Variants in STXBP3 observed in about 807,000 individuals in gnomAD.
STXBP3 encodes syntaxin binding protein 3.
In STXBP3, 41 loss-of-function variants were observed where a neutral mutation model predicts 85.7. That is an observed-to-expected ratio of 0.48 (90% CI 0.37 to 0.62). The LOEUF is 0.62. STXBP3 is among the 20% of genes least tolerant of loss of function. STXBP3 has a pLI of 0.00. For synonymous variants in STXBP3, 229 were observed against 231.7 expected (o/e 0.99, Z 0.10); for missense variants, 563 against 703.1 (o/e 0.80, Z 2.25).
chr1:108,756,889 T>G, intron 4 of STXBP3, 123 bp downstream of exon 4: 2 of 599,256 alleles, frequency 3.3e-6, no homozygotes, highest in African/African-American at 1.9e-5. Flanking sequence ...TAAACTAGTT[T>G]GCTTAGGAAA....
At chr1:108,760,746 GT>G (rs1288758291) in intron 6 of STXBP3, among the ~76,000 whole-genome samples, 1 of 152,050 alleles carries the variant, frequency 6.6e-6, no homozygotes, top group Admixed American at 6.5e-5. Flanking sequence ...GTTAAGGTTT[GT>G]TTTGCTCTGT....
intron 4 of STXBP3, among the ~76,000 whole-genome samples, chr1:108,757,524 A>G (rs574846812): frequency 6.6e-6 from 1 of 151,474 alleles, no homozygotes; most frequent in African/African-American, 2.4e-5. Context: ...TCATGATTGG[A>G]AAAAAAAATG....
intron 8 of STXBP3, 112 bp from the exon 9 acceptor site, chr1:108,779,173 TG>T: frequency 9.0e-7 from 1 of 1,115,526 alleles, no homozygotes. Flanking sequence ...ATGTTTTTGG[TG>T]GGGAAAAGGG....
intron 7 of STXBP3, among the ~76,000 whole-genome samples, chr1:108,774,945 A>G (rs1425655777): frequency 1.3e-5 from 2 of 150,508 alleles, no homozygotes; most frequent in Non-Finnish European, 3.0e-5. Flanking sequence ...TTATGCTAAT[A>G]AATAATCTGT....
At chr1:108,752,870 C>T (rs563612840) in intron 2 of STXBP3, among the ~76,000 whole-genome samples, 193 bp from the exon 3 acceptor site, 14 of 152,148 alleles carry the variant, frequency 9.2e-5, no homozygotes, top group African/African-American at 2.9e-4. Context: ...TGTTTGTTTA[C>T]TTATGTACGA....
chr1:108,775,248 T>C (rs1255439058), intron 7 of STXBP3, among the ~76,000 whole-genome samples: 3 of 152,134 alleles, frequency 2.0e-5, no homozygotes, highest in Non-Finnish European at 4.4e-5. Flanking sequence ...GTTATGCTGG[T>C]GAAGAGCCTT....
chr1:108,762,213 A>G (rs1453622400), intron 6 of STXBP3, among the ~76,000 whole-genome samples: 3 of 152,232 alleles, frequency 2.0e-5, no homozygotes, highest in African/African-American at 7.2e-5. Context: ...CCCTCATTTG[A>G]ATACTATAAA....
At chr1:108,780,090 A>G (rs1662684443) in intron 9 of STXBP3, 1 of 152,172 alleles carries the variant, frequency 6.6e-6, no homozygotes, top group Non-Finnish European at 1.5e-5. Context: ...TTTGTCAGCT[A>G]AGATTTACTG....
At chr1:108,759,853 A>G (rs1662099420) in intron 5 of STXBP3, 132 bp from the exon 6 acceptor site, 2 of 565,582 alleles carry the variant, frequency 3.5e-6, no homozygotes, top group African/African-American at 2.0e-5. Context: ...CAATATTTAT[A>G]TATTATTTAT....
intron 17 of STXBP3, among the ~76,000 whole-genome samples, chr1:108,805,825 T>G (rs1234456269): frequency 6.6e-6 from 1 of 151,516 alleles, no homozygotes; most frequent in Non-Finnish European, 1.5e-5. Context: ...AGCCTAAGAG[T>G]TCGAGGCTGT....
At chr1:108,782,206 A>G (rs569090406) in intron 9 of STXBP3, 8 of 442,900 alleles carry the variant, frequency 1.8e-5, no homozygotes, top group Non-Finnish European at 3.2e-5. Context: ...CCTAAACTGA[A>G]TATTTGAAAA....
chr1:108,807,257 CA>C (rs201346701), intron 17 of STXBP3, 143 bp from the exon 18 acceptor site: 25,834 of 684,504 alleles, frequency 0.038, 27 homozygotes, highest in East Asian at 0.097. Context: ...GACTCCACCT[CA>C]AAAAAAAAAA....
intron 16 of STXBP3, 116 bp from the exon 17 acceptor site, chr1:108,800,104 T>C (rs184222138): frequency 7.4e-5 from 52 of 704,090 alleles, no homozygotes; most frequent in Admixed American, 5.2e-4. Flanking sequence ...ACTAATCTTA[T>C]ACTAAATATT....
chr1:108,780,914 T>TGC (rs1203966792), intron 9 of STXBP3: 1 of 151,926 alleles, frequency 6.6e-6, no homozygotes. Flanking sequence ...ACTACAAGTG[T>TGC]GCACCACTGC....
At chr1:108,769,106 G>A (rs917569448) in intron 6 of STXBP3, among the ~76,000 whole-genome samples, 2 of 148,342 alleles carry the variant, frequency 1.3e-5, no homozygotes, top group African/African-American at 5.0e-5. Context: ...TTTTAATATT[G>A]TTTTTACTAT....
intron 9 of STXBP3, chr1:108,781,485 A>C (rs1372207265): frequency 6.6e-6 from 1 of 152,220 alleles, no homozygotes; most frequent in Non-Finnish European, 1.5e-5. Flanking sequence ...GAATAGCTTC[A>C]TGAATCCCTT....
intron 6 of STXBP3, among the ~76,000 whole-genome samples, chr1:108,771,681 GATATCTATCTATATATATC>G (rs1662432692): frequency 8.9e-5 from 1 of 11,272 alleles, no homozygotes; most frequent in Non-Finnish European, 1.7e-4. Flanking sequence ...AAATATATAT[GATATCTATCTATATATATC>G]ATATATAAAT....
At chr1:108,788,338 A>G (rs1557811928) in intron 11 of STXBP3, among the ~76,000 whole-genome samples, 1 of 152,206 alleles carries the variant, frequency 6.6e-6, no homozygotes, top group South Asian at 2.1e-4. Context: ...TATGAGAAAT[A>G]CTTTTCTGTA....
At chr1:108,781,719 T>C (rs2101123586) in intron 9 of STXBP3, 1 of 152,278 alleles carries the variant, frequency 6.6e-6, no homozygotes, top group Middle Eastern at 3.4e-3. Flanking sequence ...TCCTGTTTTG[T>C]TTTGTTTGAG....
Sources: allele counts gnomAD v4.1 joint callset (sites outside exome capture counted in the v4.1 genomes callset), GRCh38; gene constraint gnomAD v4.1.1; transcripts MANE v1.5; gene names NCBI Gene and HGNC (gene_info 2026-07-23, HGNC 2026-07-21).